ITIH3: variants seen among roughly 807,000 people sequenced by gnomAD.
ITIH3 encodes inter-alpha-trypsin inhibitor heavy chain 3, also known as inter-alpha-trypsin inhibitor heavy chain H3.
A neutral mutation model predicts 96.5 loss-of-function variants in ITIH3; 81 were observed. The observed-to-expected ratio is 0.84, with a 90% CI of 0.70 to 1.01. ITIH3 has a LOEUF of 1.01. Ranked by LOEUF, ITIH3 falls within the 50% of genes least tolerant of loss-of-function variation. The pLI, the probability that ITIH3 is intolerant of heterozygous loss-of-function variation, is 0.00. For synonymous variants in ITIH3, 422 were observed against 445.2 expected (o/e 0.95, Z 0.66); for missense variants, 1,057 against 1,139.3 (o/e 0.93, Z 1.04).
intron 1 of ITIH3, 22 bp from the exon 2 acceptor site, chr3:52,795,581 G>C (rs781138464): frequency 1.2e-6 from 2 of 1,608,284 alleles, no homozygotes; most frequent in Non-Finnish European, 1.7e-6. Flanking sequence ...TCCTGTGTTT[G>C]TGTTTGTTTT....
chr3:52,805,180 C>T (rs1317653509), intron 15 of ITIH3: 1 of 491,300 alleles, frequency 2.0e-6, no homozygotes, highest in East Asian at 1.4e-4. Flanking sequence ...CCCCAATGCC[C>T]ATGCTGGGAA....
At chr3:52,799,173 C>T in intron 7 of ITIH3, 82 bp downstream of exon 7, 8 of 1,521,462 alleles carry the variant, frequency 5.3e-6, no homozygotes, top group African/African-American at 1.4e-5. Flanking sequence ...GTGCCATCAC[C>T]CTGGGTCCTC....
intron 21 of ITIH3, 92 bp downstream of exon 21, chr3:52,808,313 G>T: frequency 8.4e-7 from 1 of 1,187,186 alleles, no homozygotes; most frequent in Non-Finnish European, 1.2e-6. Context: ...GTGGGCTTTT[G>T]TCTTCTGTGG....
chr3:52,802,659 C>G lies in ITIH3; in HGVS notation c.1570-8C>G, dbSNP rs369885916. On this transcript the variant is annotated splice_polypyrimidine_tract_variant and splice_region_variant and intron_variant, in intron 12 of 21. Transcript: ENST00000449956. ...CCAGCCCCTTGCCTCCTTCTACCCC[C>G]ACCCTAGGCCACCAACGACCTGACC... The G allele has an allele frequency of 1.2e-6, 2 of 1,613,768 alleles. No individual in the cohort carries two copies. Among genetic ancestry groups the G allele is most frequent in the South Asian group, 1.1e-5 (1 of 91,084 alleles).
chr3:52,806,025 C>G, intron 16 of ITIH3, 78 bp from the exon 17 acceptor site: 1 of 1,534,240 alleles, frequency 6.5e-7, no homozygotes, highest in Non-Finnish European at 8.9e-7. Context: ...GGGGCATAAG[C>G]TGAACTCCTA....
rs780338298 is a variant in ITIH3 at position 52,803,867 on chromosome 3, T to C, written c.1722T>C (p.His574=). The C allele has an allele frequency of 1.9e-6, 3 of 1,613,856 alleles. No homozygotes were observed. Among genetic ancestry groups the C allele is most frequent in the African/African-American group, 2.7e-5 (2 of 74,956 alleles). ...EQLLEKRKNA[H]GEEKENLTAR... Reference sequence around the variant, plus strand: ...CCCCTCCTCACAGCAAGAACGCCCATGGCGAGGAGAAGGAGAACCTCACGG... The same window carrying C: ...CCCCTCCTCACAGCAAGAACGCCCACGGCGAGGAGAAGGAGAACCTCACGG... Residue 574 remains histidine (H), a synonymous_variant, in exon 14 of 22, where the codon CAT becomes CAC. Coordinates refer to ENST00000449956, the MANE Select transcript of ITIH3 (RefSeq NM_002217.4).
chr3:52,799,168 A>G, intron 7 of ITIH3, 77 bp downstream of exon 7: 1 of 1,546,386 alleles, frequency 6.5e-7, no homozygotes. Flanking sequence ...ATCTAGTGCC[A>G]TCACCCTGGG....
In ITIH3 at chr3:52,800,647, T is replaced by C. The variant is rs1435944872; in HGVS notation, c.1185T>C (p.Asp395=). The change falls in exon 10 of 22, where the codon GAT becomes GAC. Residue 395 remains aspartate, a synonymous_variant. Coordinates refer to ENST00000449956, the MANE Select transcript of ITIH3 (RefSeq NM_002217.4). ...RSTSIVIMLT[D]GDANVGESRP... ...CCTCCATTGTCATCATGCTGACTGA[T>C]GGGGATGCCAATGTTGGTGAGGAGC... The C allele has an allele frequency of 3.8e-6, 6 of 1,597,442 alleles. No homozygotes were observed. The highest frequency in any genetic ancestry group is 5.1e-6 in the Non-Finnish European group (6 of 1,172,210).
intron 5 of ITIH3, 122 bp downstream of exon 5, chr3:52,797,389 C>T (rs1043526890): frequency 8.0e-5 from 84 of 1,048,274 alleles, no homozygotes; most frequent in Non-Finnish European, 1.0e-4. Flanking sequence ...CCATCCTTGG[C>T]TGGGAAGGCT....
At chr3:52,805,973 G>T (rs1700025532) in intron 16 of ITIH3, 130 bp from the exon 17 acceptor site, 1 of 1,505,456 alleles carries the variant, frequency 6.6e-7, no homozygotes, top group Admixed American at 1.8e-5. Flanking sequence ...GAGATTGCGG[G>T]GTGGGAGGGC....
intron 6 of ITIH3, among the ~76,000 whole-genome samples, chr3:52,798,383 T>C (rs375533826): frequency 1.7e-4 from 26 of 152,330 alleles, no homozygotes; most frequent in Middle Eastern, 3.4e-3. Flanking sequence ...GGTGAATAAA[T>C]GTTTGTATAA....
chr3:52,799,115 A>C, intron 7 of ITIH3, 24 bp downstream of exon 7: 1 of 1,612,236 alleles, frequency 6.2e-7, no homozygotes, highest in Non-Finnish European at 8.5e-7. Context: ...CTGATTCATC[A>C]TCAGGGTGGG....
Position 52,808,207 on chromosome 3 carries a change from G to A in ITIH3, c.2529G>A (p.Gln843=). The A allele has an allele frequency of 6.2e-7, 1 of 1,613,892 alleles. No individual in the cohort carries two copies. The highest frequency in any genetic ancestry group is 1.1e-5 in the South Asian group (1 of 91,080). The change falls in exon 21 of 22, where the codon CAG becomes CAA. Residue 843 remains glutamine, a synonymous_variant. Transcript: ENST00000449956. ...CCACATTGGTGGTGAAGAACCATCAGCTGATTGTCACCAGGTGAGGAGACT... is the reference window on the plus strand; with the variant it reads ...CCACATTGGTGGTGAAGAACCATCAACTGATTGTCACCAGGTGAGGAGACT... ...PDATLVVKNH[Q]LIVTRGSQKD...
At chr3:52,804,586 C>T (rs1699968433) in intron 14 of ITIH3, 140 bp from the exon 15 acceptor site, 2 of 803,512 alleles carry the variant, frequency 2.5e-6, no homozygotes, top group South Asian at 1.7e-5. Flanking sequence ...TTCCAGGGGA[C>T]ACCCAGTGGG....
At chr3:52,805,270 T>A in intron 15 of ITIH3, 1 of 1,006,238 alleles carries the variant, frequency 9.9e-7, no homozygotes, top group Non-Finnish European at 1.2e-6. Flanking sequence ...AGGCAGGGCC[T>A]CCCCAGCCCC....
chr3:52,797,041 G>T, intron 4 of ITIH3, 64 bp from the exon 5 acceptor site: 1 of 1,546,038 alleles, frequency 6.5e-7, no homozygotes, highest in South Asian at 1.2e-5. Flanking sequence ...GCCTGGGGCC[G>T]AGGGCCGAGG....
chr3:52,808,049 A>C, intron 20 of ITIH3, 61 bp from the exon 21 acceptor site: 1 of 1,585,390 alleles, frequency 6.3e-7, no homozygotes, highest in Non-Finnish European at 8.7e-7. Flanking sequence ...CTGAAAGGCC[A>C]GTGGCCACGT....
chr3:52,797,967 G>T (rs772665013), intron 6 of ITIH3, 37 bp downstream of exon 6: 5 of 1,276,376 alleles, frequency 3.9e-6, no homozygotes, highest in Non-Finnish European at 5.6e-6. Context: ...TGGGGCAGGG[G>T]ACAGGAATAC....
At chr3:52,803,341 C>T (rs1377176674) in intron 13 of ITIH3, among the ~76,000 whole-genome samples, 6 of 144,184 alleles carry the variant, frequency 4.2e-5, no homozygotes, top group African/African-American at 1.5e-4. Context: ...TTTTTTGAGA[C>T]GGAGTCTCGC....
Sources: gnomAD v4.1 joint callset for allele counts (sites outside exome capture counted in the v4.1 genomes callset) on GRCh38, gnomAD v4.1.1 for gene constraint, MANE v1.5 for transcripts, NCBI Gene and HGNC (gene_info 2026-07-23, HGNC 2026-07-21) for gene names.